The following ALMS1 variants were observed in gnomAD, a reference collection of about 807,000 sequenced individuals.
ALMS1 encodes the protein ALMS1 centrosome and basal body associated protein.
In ALMS1, 271 loss-of-function variants were observed where a neutral mutation model predicts 352.2. The observed-to-expected ratio is 0.77, with a 90% CI of 0.70 to 0.85. The LOEUF (loss-of-function observed/expected upper bound fraction) is 0.85, where lower values mean the gene tolerates loss of function less well. Among genes scored for constraint, ALMS1 ranks in the 40% least tolerant of loss-of-function variants. The pLI, the probability that ALMS1 is intolerant of heterozygous loss-of-function variation, is 0.00. For missense variants in ALMS1, 5,445 were observed against 4,870.7 expected (o/e 1.12, Z -3.51); for synonymous variants, 1,865 against 1,761.2 (o/e 1.06, Z -1.48).
rs201971114 is a variant in ALMS1 at position 73,450,843 on chromosome 2, A to C, written c.4316A>C (p.Tyr1439Ser). 7.4e-5 allele frequency: 120 copies of C among 1,614,084 alleles called. No individual in the cohort carries two copies. In the African/African-American group the frequency reaches 1.5e-3, roughly 20 times the overall value. ...CACACAGAGAAGCCTGGTAGTTTCT[A>C]CCAACAGGTCTTGCCACATAGTCAT... ...YSHTEKPGSF[Y>S]QQVLPHSHLP... Residue 1439 changes from tyrosine (Y) to serine (S), a missense_variant, in exon 8 of 23, where the codon TAC becomes TCC. Physicochemically the swap from Tyr to Ser is moderately radical, Grantham distance 144 (BLOSUM62 -2). Coordinates refer to ENST00000613296, the MANE Select transcript of ALMS1 (RefSeq NM_001378454.1).
Position 73,452,805 on chromosome 2 carries a change from GTTC to G in ALMS1, c.6281_6283del (p.Ser2094del). 1.2e-6 allele frequency: 2 copies of G among 1,613,680 alleles called. No individual in the cohort carries two copies. Among genetic ancestry groups the G allele is most frequent in the Non-Finnish European group, 1.7e-6 (2 of 1,179,936 alleles). On this transcript the variant is annotated inframe_deletion, in exon 8 of 23. Transcript: ENST00000613296. Reference sequence around the variant, plus strand: ...ACTGGAAAACCAGTATCTCTCTCTAGTTCTTATTTTCACAGAGAGAAATCGAAT... The same window carrying G: ...ACTGGAAAACCAGTATCTCTCTCTAGTTATTTTCACAGAGAGAAATCGAAT...
intron 15 of ALMS1, among the ~76,000 whole-genome samples, chr2:73,564,758 C>CTA (rs1674768606): frequency 6.6e-6 from 1 of 152,212 alleles, no homozygotes; most frequent in African/African-American, 2.4e-5. Context: ...CTCCAGTGGG[C>CTA]TACACTCTTA....
At chr2:73,567,270 C>G (rs1354378359) in intron 15 of ALMS1, among the ~76,000 whole-genome samples, 1 of 152,290 alleles carries the variant, frequency 6.6e-6, no homozygotes, top group East Asian at 1.9e-4. Context: ...AATGTAAACT[C>G]AAGTGCAATC....
chr2:73,445,988 A>T (rs1169990570), intron 7 of ALMS1, among the ~76,000 whole-genome samples: 1 of 152,206 alleles, frequency 6.6e-6, no homozygotes, highest in East Asian at 1.9e-4. Flanking sequence ...CCTTATGTAC[A>T]TAGACACATT....
chr2:73,416,824 A>G (rs1329662715), intron 2 of ALMS1, among the ~76,000 whole-genome samples: 2 of 152,216 alleles, frequency 1.3e-5, no homozygotes, highest in Admixed American at 1.3e-4. Context: ...GATTTTACAT[A>G]AAGACTCAAA....
At chr2:73,496,431 T>C (rs1337281184) in intron 10 of ALMS1, among the ~76,000 whole-genome samples, 2 of 152,214 alleles carry the variant, frequency 1.3e-5, no homozygotes, top group Non-Finnish European at 2.9e-5. Flanking sequence ...TTTTTATTGC[T>C]TTATTAAATG....
intron 15 of ALMS1, among the ~76,000 whole-genome samples, chr2:73,566,775 C>T (rs1209941728): frequency 6.6e-6 from 1 of 152,256 alleles, no homozygotes; most frequent in Non-Finnish European, 1.5e-5. Context: ...GCCTCCTATA[C>T]TTCTGACCAA....
At position 73,439,035 on chromosome 2, in the gene ALMS1, TTTC is replaced by T. The variant is rs1001684070; in HGVS notation, c.1432+6757_1432+6759del. Among the ~76,000 whole-genome samples, 90 of 151,914 alleles carry T rather than the reference TTTC, an allele frequency of 5.9e-4. 1 individual carries two copies. Among genetic ancestry groups the T allele is most frequent in the South Asian group, 4.8e-3 (23 of 4,810 alleles). On this transcript the variant is annotated intron_variant, in intron 7 of 22. Transcript: ENST00000613296. ...CCTCCTCCTCCTTTTTTTCTTCTTT[TTTC>T]TTCTTCTTCTTCCTCCTGCTCCTCC...
At chr2:73,604,176 T>C (rs1287678329) in intron 21 of ALMS1, among the ~76,000 whole-genome samples, 2 of 152,302 alleles carry the variant, frequency 1.3e-5, no homozygotes, top group East Asian at 3.9e-4. Flanking sequence ...CAGTAGATTT[T>C]TTGACTTTTT....
chr2:73,422,999 C>A, intron 4 of ALMS1, 25 bp downstream of exon 4: 6 of 1,543,350 alleles, frequency 3.9e-6, no homozygotes, highest in Non-Finnish European at 5.4e-6. Flanking sequence ...TTGCATGTAA[C>A]CTTTCTCACT....
chr2:73,543,387 A>G (rs888878732), intron 12 of ALMS1, among the ~76,000 whole-genome samples: 6 of 152,330 alleles, frequency 3.9e-5, no homozygotes, highest in African/African-American at 1.4e-4. Flanking sequence ...AAAGACTTAC[A>G]TGTTAGACCT....
chr2:73,420,833 A>G (rs542921877), intron 3 of ALMS1, among the ~76,000 whole-genome samples: 19 of 152,338 alleles, frequency 1.2e-4, no homozygotes, highest in South Asian at 4.1e-4. Context: ...TTTGTTACGC[A>G]TAAGTACTAA....
At chr2:73,398,578 A>G (rs1225293217) in intron 1 of ALMS1, among the ~76,000 whole-genome samples, 4 of 152,132 alleles carry the variant, frequency 2.6e-5, no homozygotes, top group Non-Finnish European at 5.9e-5. Flanking sequence ...ATGAAGTTGA[A>G]ATACCTTCTC....
intron 15 of ALMS1, among the ~76,000 whole-genome samples, chr2:73,561,416 C>T (rs1674660517): frequency 6.6e-6 from 1 of 152,158 alleles, no homozygotes; most frequent in Non-Finnish European, 1.5e-5. Flanking sequence ...CTGGGCTGTG[C>T]CTGTTGCTGC....
At chr2:73,601,947 C>T (rs1389112550) in intron 19 of ALMS1, among the ~76,000 whole-genome samples, 3 of 152,198 alleles carry the variant, frequency 2.0e-5, no homozygotes, top group African/African-American at 4.8e-5. Context: ...GAGTTGTAAT[C>T]GCCATAGTCT....
chr2:73,386,266 G>T, intron 1 of ALMS1, 74 bp downstream of exon 1: 4 of 1,412,264 alleles, frequency 2.8e-6, no homozygotes, highest in Non-Finnish European at 3.7e-6. Context: ...CGCTCCGCCC[G>T]CCCGCAGGTC....
rs2103780557 is a variant in ALMS1, at chr2:73,450,418, C to A, written c.3891C>A (p.Tyr1297Ter). The change falls in exon 8 of 23, where the codon TAC becomes TAA. Residue 1297 changes from tyrosine (Y) to a stop codon, truncating the protein, a stop_gained. Transcript: ENST00000613296. LOFTEE classifies it high-confidence loss of function. ...ATAGAGAGAAGCCCAGCATTTTCTA[C>A]CAACAGTCGTTGCCAAGTAGTCATC... ...SQYREKPSIF[Y>*]QQSLPSSHLT... 5 of 1,613,500 alleles carry A rather than the reference C, an allele frequency of 3.1e-6. No individual in the cohort carries two copies. Among genetic ancestry groups the A allele is most frequent in the Non-Finnish European group, 4.2e-6 (5 of 1,179,894 alleles).
At chr2:73,396,201 G>A (rs767112420) in intron 1 of ALMS1, among the ~76,000 whole-genome samples, 5 of 151,518 alleles carry the variant, frequency 3.3e-5, no homozygotes, top group African/African-American at 4.9e-5. Flanking sequence ...ATTATTAATC[G>A]ATGTATTACA....
chr2:73,461,736 T>C (rs1672207735), intron 9 of ALMS1, among the ~76,000 whole-genome samples: 1 of 151,994 alleles, frequency 6.6e-6, no homozygotes, highest in South Asian at 2.1e-4. Flanking sequence ...ATACCTAGAA[T>C]AACCAATGCA....
Sources: allele counts gnomAD v4.1 joint callset (sites outside exome capture counted in the v4.1 genomes callset), GRCh38; gene constraint gnomAD v4.1.1; transcripts MANE v1.5; gene names NCBI Gene and HGNC (gene_info 2026-07-23, HGNC 2026-07-21).